Variants in PTCHD4 observed in about 807,000 individuals in gnomAD.
PTCHD4 encodes patched domain containing 4.
PTCHD4 carries 33 observed loss-of-function variants against 58.1 expected under a neutral mutation model. The observed-to-expected ratio is 0.57, with a 90% CI of 0.43 to 0.76. PTCHD4 has a LOEUF of 0.76. PTCHD4 is among the 30% of genes least tolerant of loss of function. The pLI is 0.00. For synonymous variants in PTCHD4, 478 were observed against 409.6 expected (o/e 1.17, Z -2.02); for missense variants, 1,058 against 1,027.1 (o/e 1.03, Z -0.41).
At position 48,070,069 on chromosome 6, in the gene PTCHD4, G is replaced by A. The variant is rs368628009; in HGVS notation, c.-969-143C>T. ...CAGCACCCAAAAGTGTGAAGATGAG[G>A]ATCTCAGCTTCAGATCAGGTCAACT... On this transcript the variant is annotated intron_variant, in intron 1 of 4. Coordinates refer to ENST00000339488, the MANE Select transcript of PTCHD4 (RefSeq NM_001384253.1). 1.3e-3 allele frequency among the ~76,000 whole-genome samples: 194 copies of A among 152,006 alleles called. 4 individuals are homozygous for A. In the South Asian group the frequency reaches 0.039, roughly 30 times the overall value.
At chr6:48,066,197 T>C (rs1453307648) in intron 3 of PTCHD4, among the ~76,000 whole-genome samples, 2 of 152,080 alleles carry the variant, frequency 1.3e-5, no homozygotes, top group African/African-American at 2.4e-5. Flanking sequence ...CCCCAAACTC[T>C]GTCTCACATG....
At chr6:48,110,342 T>C (rs145055176) in intron 1 of PTCHD4, among the ~76,000 whole-genome samples, 1 of 152,282 alleles carries the variant, frequency 6.6e-6, no homozygotes, top group East Asian at 1.9e-4. Context: ...AAGGACACTT[T>C]GCTAAGTGAA....
At chr6:47,898,791 A>C (rs983861965) in intron 4 of PTCHD4, among the ~76,000 whole-genome samples, 5 of 152,206 alleles carry the variant, frequency 3.3e-5, no homozygotes, top group Non-Finnish European at 7.3e-5. Flanking sequence ...TGAGAAAATG[A>C]AAAGGTGTAA....
intron 4 of PTCHD4, among the ~76,000 whole-genome samples, chr6:47,894,667 A>G (rs1237001600): frequency 6.6e-6 from 1 of 152,248 alleles, no homozygotes; most frequent in Non-Finnish European, 1.5e-5. Context: ...AGTATATCAA[A>G]ATACATTTCT....
chr6:48,101,910 C>T (rs1765611290), intron 1 of PTCHD4, among the ~76,000 whole-genome samples: 1 of 152,166 alleles, frequency 6.6e-6, no homozygotes, highest in Non-Finnish European at 1.5e-5. Flanking sequence ...AGAGATGATG[C>T]TGCCTCTCTA....
At position 48,093,002 on chromosome 6, in the gene PTCHD4, G is replaced by A. The variant is rs542950081; in HGVS notation, c.-970+18047C>T. Among the ~76,000 whole-genome samples the A allele has an allele frequency of 3.3e-5, 5 of 152,302 alleles. No homozygotes were observed. The South Asian group carries it at 1.0e-3, about 32-fold the overall frequency. ...TTATTCTCTTTTACTATCTGGGGCT[G>A]TGTTGGGCACAGGCAGTGCTGGGGA... is the stretch of plus-strand genomic sequence containing the variant. On this transcript the variant is annotated intron_variant, in intron 1 of 4. Coordinates refer to ENST00000339488, the MANE Select transcript of PTCHD4 (RefSeq NM_001384253.1).
At chr6:47,965,435 G>T (rs1767249347) in intron 4 of PTCHD4, among the ~76,000 whole-genome samples, 2 of 152,008 alleles carry the variant, frequency 1.3e-5, no homozygotes, top group South Asian at 2.1e-4. Context: ...TCTTTAAAAA[G>T]ATCTCAGAAA....
At position 47,875,487 on chromosome 6, in the gene PTCHD4, C is replaced by CA. The variant is rs1187790185; in HGVS notation, c.*2815dup. ...ATTACTTCCTAGGACTGCATTAAGA[C>CA]ACTTTAGGTGGTATATTAACTCTTC... is the stretch of plus-strand genomic sequence containing the variant. On this transcript the variant is annotated 3_prime_UTR_variant, in exon 5 of 5. Transcript: ENST00000339488. 6.6e-6 allele frequency among the ~76,000 whole-genome samples: 1 copy of CA among 151,800 alleles called. No homozygotes were observed. Among genetic ancestry groups the CA allele is most frequent in the Non-Finnish European group, 1.5e-5 (1 of 67,840 alleles).
At chr6:47,966,634 T>C (rs1767306896) in intron 4 of PTCHD4, among the ~76,000 whole-genome samples, 1 of 152,252 alleles carries the variant, frequency 6.6e-6, no homozygotes, top group Non-Finnish European at 1.5e-5. Flanking sequence ...ACCTTTCCAC[T>C]GCTTTCTCAA....
At chr6:47,888,506 G>T (rs1452793616) in intron 4 of PTCHD4, among the ~76,000 whole-genome samples, 2 of 152,088 alleles carry the variant, frequency 1.3e-5, no homozygotes, top group African/African-American at 2.4e-5. Context: ...CTTAGTAGCA[G>T]ATTCTCATTG....
intron 3 of PTCHD4, among the ~76,000 whole-genome samples, chr6:48,021,128 T>A (rs1214654718): frequency 6.6e-6 from 1 of 152,078 alleles, no homozygotes; most frequent in South Asian, 2.1e-4. Flanking sequence ...ATCCTATTTT[T>A]AAAAATAGTA....
intron 4 of PTCHD4, among the ~76,000 whole-genome samples, chr6:47,941,632 AG>A (rs959271429): frequency 4.6e-5 from 7 of 152,168 alleles, no homozygotes; most frequent in African/African-American, 4.8e-5. Context: ...TGAACTGAGT[AG>A]GGGTTAAGTC....
chr6:48,072,140 T>C (rs978739163), intron 1 of PTCHD4, among the ~76,000 whole-genome samples: 7 of 152,200 alleles, frequency 4.6e-5, no homozygotes, highest in African/African-American at 1.7e-4. Context: ...ATGTGCAGCT[T>C]ACACTTAAGG....
At chr6:48,063,270 C>T (rs1764693799) in intron 3 of PTCHD4, among the ~76,000 whole-genome samples, 1 of 152,132 alleles carries the variant, frequency 6.6e-6, no homozygotes, top group Non-Finnish European at 1.5e-5. Flanking sequence ...TTGCTAAACT[C>T]TCCACAGTAA....
At chr6:48,041,378 T>C (rs947746470) in intron 3 of PTCHD4, among the ~76,000 whole-genome samples, 4 of 152,074 alleles carry the variant, frequency 2.6e-5, no homozygotes, top group Admixed American at 2.0e-4. Flanking sequence ...CAAATGTTTA[T>C]CTAAATAAAG....
chr6:47,893,136 G>A (rs1328046876), intron 4 of PTCHD4, among the ~76,000 whole-genome samples: 12 of 152,004 alleles, frequency 7.9e-5, no homozygotes, highest in African/African-American at 2.7e-4. Flanking sequence ...TCAGCCTCCC[G>A]AGTAGCTGGG....
In PTCHD4 at chr6:48,016,276, C is replaced by T. The variant is rs183946391; in HGVS notation, c.418-7162G>A. 2.0e-5 allele frequency among the ~76,000 whole-genome samples: 3 copies of T among 152,014 alleles called. No homozygotes were observed. The East Asian group carries it at 5.8e-4, about 29-fold the overall frequency. On this transcript the variant is annotated intron_variant, in intron 3 of 4. Coordinates refer to ENST00000339488, the MANE Select transcript of PTCHD4 (RefSeq NM_001384253.1). ...GAGGCTACAGAAGGCAGCAGGGCCT[C>T]TTCAGTAAAGGCCATGAAAGCCTTA...
intron 4 of PTCHD4, among the ~76,000 whole-genome samples, chr6:47,987,619 A>C (rs1315050866): frequency 6.6e-6 from 1 of 152,160 alleles, no homozygotes. Context: ...TACTGGCCTG[A>C]AGGAATGAGA....
At chr6:47,992,249 C>T (rs1476426814) in intron 4 of PTCHD4, among the ~76,000 whole-genome samples, 2 of 152,038 alleles carry the variant, frequency 1.3e-5, no homozygotes, top group African/African-American at 4.8e-5. Context: ...ATTTAATTCA[C>T]CAAGATGATA....
Sources: allele counts gnomAD v4.1 joint callset (sites outside exome capture counted in the v4.1 genomes callset), GRCh38; gene constraint gnomAD v4.1.1; transcripts MANE v1.5; gene names NCBI Gene and HGNC (gene_info 2026-07-23, HGNC 2026-07-21).